The following PHF21A variants were observed in gnomAD, a reference collection of about 807,000 sequenced individuals.
PHF21A encodes the protein BHC80a.
In PHF21A, 11 loss-of-function variants were observed where a neutral mutation model predicts 82.5. The ratio of observed to expected loss-of-function variants is 0.13; its 90% CI spans 0.08 to 0.22. The LOEUF is 0.22. Ranked by LOEUF, PHF21A falls within the 10% of genes least tolerant of loss-of-function variation. PHF21A has a pLI of 1.00. For missense variants in PHF21A, 579 were observed against 837.8 expected, an observed-to-expected ratio of 0.69 and a Z score of 3.81; for synonymous variants, 297 against 302.8, an observed-to-expected ratio of 0.98 and a Z score of 0.20.
chr11:46,053,513 T>C (rs1359543772), intron 6 of PHF21A, among the ~76,000 whole-genome samples: 2 of 152,002 alleles, frequency 1.3e-5, no homozygotes, highest in Non-Finnish European at 2.9e-5. Context: ...ATCTTTGACA[T>C]CAATTAGTTT....
At chr11:45,998,034 T>G (rs2094971097) in intron 6 of PHF21A, among the ~76,000 whole-genome samples, 1 of 152,306 alleles carries the variant, frequency 6.6e-6, no homozygotes, top group Admixed American at 6.5e-5. Context: ...GTACCATCAG[T>G]AGCAATCAGC....
At chr11:45,938,119 C>G (rs753644110) in intron 16 of PHF21A, 38 bp downstream of exon 16, 1 of 1,494,794 alleles carries the variant, frequency 6.7e-7, no homozygotes, top group Non-Finnish European at 9.0e-7. Context: ...TGTCTTTGTC[C>G]TCCTCGGCCC....
chr11:46,023,261 C>T (rs560360673), intron 6 of PHF21A, among the ~76,000 whole-genome samples: 7 of 152,256 alleles, frequency 4.6e-5, no homozygotes, highest in South Asian at 4.1e-4. Context: ...TAAGGCAGGC[C>T]GGGATCTGGC....
At chr11:46,097,358 C>A (rs963071027) in intron 1 of PHF21A, among the ~76,000 whole-genome samples, 3 of 152,106 alleles carry the variant, frequency 2.0e-5, no homozygotes, top group African/African-American at 7.2e-5. Flanking sequence ...GTCCCATCTC[C>A]CTATCGCTCA....
intron 6 of PHF21A, among the ~76,000 whole-genome samples, chr11:46,056,072 T>C (rs2096451327): frequency 6.6e-6 from 1 of 151,938 alleles, no homozygotes; most frequent in African/African-American, 2.4e-5. Context: ...ATGTAACCTG[T>C]TTTTTTTAAA....
In PHF21A at chr11:45,945,899, T is replaced by C; in HGVS notation, c.1393A>G (p.Thr465Ala). The change falls in exon 15 of 19, where the codon ACA (threonine) becomes GCA (alanine). Residue 465 changes from threonine to alanine, a missense_variant. By Grantham distance (58) the Thr-to-Ala change is moderately conservative. Around this residue, in one of 3 missense-constraint regions of PHF21A, gnomAD observed 410 missense variants for 642.1 expected, o/e 0.64. Transcript: ENST00000676320. Reference protein sequence around the residue: ...DSPENEKTETTFTFPAPVQPV... With the variant: ...DSPENEKTETAFTFPAPVQPV... ...TGAACAGGTGCAGGGAAAGTGAATG[T>C]GGTCTCTGTCTTTTCATTTTCAGGG... 1 of 1,611,508 alleles carries C rather than the reference T, an allele frequency of 6.2e-7. No homozygotes were observed. The highest frequency in any genetic ancestry group is 8.5e-7 in the Non-Finnish European group (1 of 1,178,814).
chr11:45,934,252 A>T, intron 18 of PHF21A, 27 bp from the exon 19 acceptor site: 1 of 1,600,746 alleles, frequency 6.2e-7, no homozygotes, highest in Middle Eastern at 1.9e-4. Flanking sequence ...GGGCAGTGGC[A>T]CTGAGCCGCC....
intron 1 of PHF21A, among the ~76,000 whole-genome samples, chr11:46,102,162 T>G (rs1313283372): frequency 6.6e-6 from 1 of 152,034 alleles, no homozygotes; most frequent in East Asian, 1.9e-4. Flanking sequence ...GTCCCTGTGC[T>G]GGTATCAAAC....
At chr11:46,092,398 CAAAGA>C (rs1389239292) in intron 1 of PHF21A, among the ~76,000 whole-genome samples, 175 bp from the exon 2 acceptor site, 2 of 152,070 alleles carry the variant, frequency 1.3e-5, no homozygotes, top group East Asian at 1.9e-4. Context: ...ATTTTTACAG[CAAAGA>C]AAAGAACTCA....
intron 6 of PHF21A, among the ~76,000 whole-genome samples, chr11:46,065,703 G>A (rs1274537254): frequency 1.3e-5 from 2 of 152,238 alleles, no homozygotes; most frequent in African/African-American, 4.8e-5. Flanking sequence ...GACTAGCACA[G>A]CCAGGACTAG....
At chr11:46,057,487 G>T (rs1247627679) in intron 6 of PHF21A, among the ~76,000 whole-genome samples, 2 of 152,146 alleles carry the variant, frequency 1.3e-5, no homozygotes, top group Non-Finnish European at 2.9e-5. Context: ...CTACAAAACA[G>T]AATGAAATGT....
At chr11:45,971,074 C>G in intron 8 of PHF21A, 42 bp downstream of exon 8, 1 of 1,607,538 alleles carries the variant, frequency 6.2e-7, no homozygotes, top group East Asian at 2.2e-5. Context: ...CGTATCCTAA[C>G]CTTCTCATGT....
chr11:45,982,323 C>A (rs1054582107), intron 6 of PHF21A, among the ~76,000 whole-genome samples: 1 of 151,938 alleles, frequency 6.6e-6, no homozygotes, highest in African/African-American at 2.4e-5. Context: ...CATATAAAGG[C>A]CAATTTTGGG....
At chr11:46,012,167 A>C (rs950175841) in intron 6 of PHF21A, among the ~76,000 whole-genome samples, 1 of 152,128 alleles carries the variant, frequency 6.6e-6, no homozygotes, top group Non-Finnish European at 1.5e-5. Context: ...CTTTACCCTA[A>C]CCTTCTAATC....
chr11:46,001,417 T>C (rs2137029639), intron 6 of PHF21A, among the ~76,000 whole-genome samples: 2 of 151,586 alleles, frequency 1.3e-5, no homozygotes, highest in South Asian at 4.2e-4. Context: ...CACCTGTAGA[T>C]TCTAATGAGA....
intron 6 of PHF21A, among the ~76,000 whole-genome samples, chr11:46,037,635 C>G (rs907071820): frequency 6.3e-5 from 7 of 110,312 alleles, no homozygotes; most frequent in Non-Finnish European, 1.2e-4. Flanking sequence ...AGTGAAACGT[C>G]ATCTCAAAAA....
intron 1 of PHF21A, among the ~76,000 whole-genome samples, chr11:46,110,108 C>T (rs529663768): frequency 3.9e-4 from 59 of 151,824 alleles, no homozygotes; most frequent in African/African-American, 1.4e-3. Context: ...TATCTTAAAA[C>T]CCAGCCCCTT....
chr11:46,037,597 C>A lies in PHF21A; in HGVS notation c.153+39157G>T, dbSNP rs542373204. 4.2e-5 allele frequency among the ~76,000 whole-genome samples: 6 copies of A among 143,482 alleles called. No homozygotes were observed. The South Asian group carries it at 1.1e-3, about 26-fold the overall frequency. The allele number at this position is 143,482 out of a possible 152,430, so 94.1% of individuals were successfully genotyped here. A position where few individuals can be genotyped will look rare whatever the true frequency, so the allele number is the denominator to read the frequency against. ...CGCCTCTGTTGCGGTGAGCCGAGAT[C>A]GTGCCAGCGCACTCCAGCCTGGACA... On this transcript the variant is annotated intron_variant, in intron 6 of 18. Coordinates refer to ENST00000676320, the MANE Select transcript of PHF21A (RefSeq NM_001352027.3).
In PHF21A at chr11:46,021,061, TA is replaced by T. The variant is rs757651374; in HGVS notation, c.154-41096del. 3.8e-3 allele frequency among the ~76,000 whole-genome samples: 519 copies of T among 138,076 alleles called. 1 individual carries two copies. The highest frequency in any genetic ancestry group is 5.0e-3 in the African/African-American group (182 of 36,516). 90.6% of individuals were successfully genotyped at this position (138,076 alleles called of 152,430 possible). ...GGAAGGGACCATTAGATAGATTCTT[TA>T]AAAAAAAAAAAAAGAGAGACAAGGT... On this transcript the variant is annotated intron_variant, in intron 6 of 18. Transcript: ENST00000676320.
Sources: gnomAD v4.1 joint callset for allele counts (sites outside exome capture counted in the v4.1 genomes callset) on GRCh38, gnomAD v4.1.1 for gene constraint, gnomAD v4.1.1 regional missense constraint, MANE v1.5 for transcripts, NCBI Gene and HGNC (gene_info 2026-07-23, HGNC 2026-07-21) for gene names.